The following OSBPL8 variants were observed in gnomAD, a reference collection of about 807,000 sequenced individuals.
OSBPL8 encodes the protein oxysterol-binding protein-related protein 8.
Under a neutral mutation model 125.5 loss-of-function variants are expected in OSBPL8, and 59 were observed. That is an observed-to-expected ratio of 0.47 (90% CI 0.38 to 0.58). The LOEUF (loss-of-function observed/expected upper bound fraction) is 0.58. Ranked by LOEUF, OSBPL8 falls within the 20% of genes least tolerant of loss-of-function variation. The pLI, the probability that OSBPL8 is intolerant of heterozygous loss-of-function variation, is 0.00. For missense variants in OSBPL8, 758 were observed against 1,047.8 expected, an observed-to-expected ratio of 0.72 and a Z score of 3.82; for synonymous variants, 330 against 338.9, an observed-to-expected ratio of 0.97 and a Z score of 0.29.
rs569195280 is a variant in OSBPL8, at chr12:76,425,313, G to A, written c.218-14679C>T. On this transcript the variant is annotated intron_variant, in intron 4 of 23. Transcript: ENST00000261183. ...AGCTGGGGTTCTGCAATAGAATTAA[G>A]CCTAATGTACTAAGGCATCCACTGT... Among the ~76,000 whole-genome samples the A allele has an allele frequency of 1.5e-4, 23 of 152,226 alleles. 1 individual carries two copies. In the South Asian group the frequency reaches 4.6e-3, roughly 30 times the overall value.
intron 1 of OSBPL8, among the ~76,000 whole-genome samples, chr12:76,506,384 G>C (rs574656567): frequency 6.6e-6 from 1 of 152,272 alleles, no homozygotes; most frequent in African/African-American, 2.4e-5. Context: ...TGTAAACTAG[G>C]AGTTAGCATA....
intron 4 of OSBPL8, among the ~76,000 whole-genome samples, chr12:76,411,541 GATA>G (rs146134140): frequency 1.8e-4 from 28 of 151,882 alleles, no homozygotes; most frequent in African/African-American, 6.5e-4. Context: ...GCACATCAAG[GATA>G]ATACCATTGA....
intron 1 of OSBPL8, among the ~76,000 whole-genome samples, chr12:76,522,769 AACAC>A (rs1210815186): frequency 6.6e-6 from 1 of 152,220 alleles, no homozygotes; most frequent in Non-Finnish European, 1.5e-5. Context: ...ATTTTACAGA[AACAC>A]AAAATGAACT....
chr12:76,384,312 A>G lies in OSBPL8; in HGVS notation c.1572T>C (p.Ser524=), dbSNP rs1374064004. 3 of 1,570,826 alleles carry G rather than the reference A, an allele frequency of 1.9e-6. No individual in the cohort carries two copies. Among genetic ancestry groups the G allele is most frequent in the South Asian group, 2.4e-5 (2 of 82,420 alleles). Residue 524 remains serine (S), a synonymous_variant, in exon 15 of 24, where the codon AGT becomes AGC. Transcript: ENST00000261183. ...TAAGGCAAAATCCATCTTTTCGATTACTAACATAAAAGGCAGATATTGGTG... is the reference window on the plus strand; with the variant it reads ...TAAGGCAAAATCCATCTTTTCGATTGCTAACATAAAAGGCAGATATTGGTG... The part of the protein sequence containing the change: ...HHPPISAFYV[S]NRKDGFCLSG...
intron 2 of OSBPL8, among the ~76,000 whole-genome samples, chr12:76,470,115 G>A (rs1875952146): frequency 6.6e-6 from 1 of 152,158 alleles, no homozygotes; most frequent in Non-Finnish European, 1.5e-5. Flanking sequence ...CTCTTGCCAT[G>A]ATTAATCCAA....
rs781035247 is a variant in OSBPL8 at position 76,450,893 on chromosome 12, A to G, written c.175T>C (p.Leu59=). The change falls in exon 4 of 24, where the codon TTG becomes CTG. Residue 59 remains leucine, a synonymous_variant. Transcript: ENST00000261183. ...KEAYPTPTKD[L]HQPSLSPASP... ...GCTGGACTAAGAGATGGCTGATGCAAATCTTTGGTTGGCGTTGGATAAGCT... is the reference window on the plus strand; with the variant it reads ...GCTGGACTAAGAGATGGCTGATGCAGATCTTTGGTTGGCGTTGGATAAGCT... The G allele has an allele frequency of 6.2e-7, 1 of 1,613,796 alleles. No homozygotes were observed.
intron 4 of OSBPL8, among the ~76,000 whole-genome samples, chr12:76,447,297 T>C (rs893851188): frequency 4.6e-5 from 7 of 152,152 alleles, no homozygotes; most frequent in African/African-American, 1.7e-4. Flanking sequence ...AATCTACCAA[T>C]CTTGTATCAC....
chr12:76,443,426 G>T (rs35635458), intron 4 of OSBPL8, among the ~76,000 whole-genome samples: 76,934 of 151,920 alleles, frequency 0.51, 21,214 homozygotes, highest in African/African-American at 0.71. Flanking sequence ...TATAATTTAG[G>T]CTCCAGGCTC....
At chr12:76,461,947 G>A (rs1874796278) in intron 2 of OSBPL8, among the ~76,000 whole-genome samples, 1 of 152,134 alleles carries the variant, frequency 6.6e-6, no homozygotes, top group Non-Finnish European at 1.5e-5. Flanking sequence ...TGGAAAACTG[G>A]AAAAAAGTTA....
At chr12:76,450,312 G>A (rs1195675905) in intron 4 of OSBPL8, among the ~76,000 whole-genome samples, 1 of 152,078 alleles carries the variant, frequency 6.6e-6, no homozygotes, top group Non-Finnish European at 1.5e-5. Context: ...AGGTTGAGAA[G>A]TCCTGAAAAT....
At chr12:76,407,100 A>C (rs988254857) in intron 5 of OSBPL8, among the ~76,000 whole-genome samples, 1 of 152,188 alleles carries the variant, frequency 6.6e-6, no homozygotes, top group Non-Finnish European at 1.5e-5. Flanking sequence ...CACAACTTAA[A>C]TCATGAAAGG....
chr12:76,537,783 C>T (rs888921043), intron 1 of OSBPL8, among the ~76,000 whole-genome samples: 2 of 152,070 alleles, frequency 1.3e-5, no homozygotes, highest in African/African-American at 2.4e-5. Context: ...GTGGTGGGTG[C>T]CTGTAATCCC....
intron 1 of OSBPL8, among the ~76,000 whole-genome samples, chr12:76,505,273 G>A (rs1309287247): frequency 2.0e-5 from 3 of 152,088 alleles, no homozygotes; most frequent in African/African-American, 4.8e-5. Context: ...CACCAAGTAC[G>A]CCGCTGCCAG....
At chr12:76,513,275 A>T (rs1295700453) in intron 1 of OSBPL8, among the ~76,000 whole-genome samples, 1 of 151,640 alleles carries the variant, frequency 6.6e-6, no homozygotes, top group Non-Finnish European at 1.5e-5. Context: ...TTTGTATTGC[A>T]CTGTGGTCCA....
At chr12:76,528,116 T>C (rs1344973915) in intron 1 of OSBPL8, among the ~76,000 whole-genome samples, 1 of 151,320 alleles carries the variant, frequency 6.6e-6, no homozygotes, top group African/African-American at 2.4e-5. Context: ...AGGTCAGGAG[T>C]TCAAGACCAG....
At chr12:76,558,206 T>C (rs1951167782) in intron 1 of OSBPL8, among the ~76,000 whole-genome samples, 1 of 152,222 alleles carries the variant, frequency 6.6e-6, no homozygotes, top group Admixed American at 6.5e-5. Context: ...TGGCCTTACT[T>C]TTCCTATTCC....
intron 3 of OSBPL8, among the ~76,000 whole-genome samples, chr12:76,452,872 C>A (rs1873581049): frequency 1.3e-5 from 2 of 152,178 alleles, no homozygotes; most frequent in South Asian, 4.1e-4. Context: ...TATTCCTACC[C>A]CAGATCATCA....
intron 18 of OSBPL8, among the ~76,000 whole-genome samples, chr12:76,372,903 C>T (rs1422040844): frequency 6.6e-6 from 1 of 152,092 alleles, no homozygotes; most frequent in East Asian, 1.9e-4. Flanking sequence ...AGTCCTGGGG[C>T]CAGGGTTCCT....
At chr12:76,492,933 GAT>G (rs997596068) in intron 1 of OSBPL8, among the ~76,000 whole-genome samples, 6 of 149,838 alleles carry the variant, frequency 4.0e-5, no homozygotes, top group African/African-American at 1.5e-4. Flanking sequence ...GATATATATA[GAT>G]ATTTTTTTTT....
Sources: allele counts gnomAD v4.1 joint callset (sites outside exome capture counted in the v4.1 genomes callset), GRCh38; gene constraint gnomAD v4.1.1; transcripts MANE v1.5; gene names NCBI Gene and HGNC (gene_info 2026-07-23, HGNC 2026-07-21).